Variants in RHOT1 observed in about 807,000 individuals in gnomAD.
RHOT1 encodes the protein ras homolog family member T1.
RHOT1 carries 27 observed loss-of-function variants against 95.3 expected under a neutral mutation model. The ratio of observed to expected loss-of-function variants is 0.28; its 90% CI spans 0.21 to 0.39. The LOEUF (loss-of-function observed/expected upper bound fraction) is 0.39, where lower values mean the gene tolerates loss of function less well. RHOT1 is among the 10% of genes least tolerant of loss of function. The pLI is 1.00. For synonymous variants in RHOT1, 227 were observed against 263.5 expected (o/e 0.86, Z 1.34); for missense variants, 578 against 786.7 (o/e 0.73, Z 3.17).
intron 1 of RHOT1, among the ~76,000 whole-genome samples, chr17:32,166,284 C>A (rs1289099875): frequency 6.6e-6 from 1 of 151,450 alleles, no homozygotes; most frequent in African/African-American, 2.4e-5. Flanking sequence ...TTTAAAAATA[C>A]TTTATTGTCA....
intron 19 of RHOT1, chr17:32,222,915 A>G (rs530180164): frequency 4.1e-6 from 4 of 982,636 alleles, no homozygotes; most frequent in East Asian, 1.1e-4. Context: ...AACATTTCCA[A>G]TGGGTTGGCC....
At chr17:32,175,814 G>A (rs909983105) in intron 4 of RHOT1, 148 bp from the exon 5 acceptor site, 1 of 527,908 alleles carries the variant, frequency 1.9e-6, no homozygotes, top group African/African-American at 2.0e-5. Flanking sequence ...TTTTCTCTTA[G>A]AGGCAAGCTA....
chr17:32,155,316 C>A (rs1395292908), intron 1 of RHOT1, among the ~76,000 whole-genome samples: 3 of 151,696 alleles, frequency 2.0e-5, no homozygotes, highest in African/African-American at 7.3e-5. Flanking sequence ...CCCACCACCA[C>A]GCCTGGCTAA....
At position 32,206,881 on chromosome 17, in the gene RHOT1, T is replaced by C. The variant is rs202150165; in HGVS notation, c.1417-29T>C. 1.5e-4 allele frequency: 215 copies of C among 1,450,350 alleles called. 1 individual carries two copies. In the East Asian group the frequency reaches 3.4e-3, roughly 23 times the overall value. 89.8% of individuals were successfully genotyped at this position (1,450,350 alleles called of 1,614,324 possible). ...TAATATATCAATATTATGATACTTA[T>C]ATTTTTCATTATCTTTTTCTTTTAC... On this transcript the variant is annotated intron_variant, in intron 16 of 19. Coordinates refer to ENST00000545287, the MANE Select transcript of RHOT1 (RefSeq NM_001033566.3).
At chr17:32,178,394 G>T (rs2035213843) in intron 6 of RHOT1, among the ~76,000 whole-genome samples, 1 of 152,106 alleles carries the variant, frequency 6.6e-6, no homozygotes, top group African/African-American at 2.4e-5. Context: ...CTTTCGCCGT[G>T]TTGACCGGGC....
intron 6 of RHOT1, among the ~76,000 whole-genome samples, chr17:32,182,251 C>G (rs964866882): frequency 6.6e-6 from 1 of 151,828 alleles, no homozygotes; most frequent in Admixed American, 6.6e-5. Flanking sequence ...CCTATCATCC[C>G]AACACTTTGG....
chr17:32,220,132 C>T (rs773342237), intron 19 of RHOT1, among the ~76,000 whole-genome samples: 3 of 152,162 alleles, frequency 2.0e-5, no homozygotes, highest in Non-Finnish European at 4.4e-5. Context: ...GTAATCCCAG[C>T]TCTTTGGGAG....
In RHOT1 at chr17:32,163,823, G is replaced by A. The variant is rs190191662; in HGVS notation, c.38-7220G>A. Among the ~76,000 whole-genome samples the A allele has an allele frequency of 3.9e-5, 6 of 152,164 alleles. No homozygotes were observed. In the East Asian group the frequency reaches 1.2e-3, roughly 30 times the overall value. ...TACAATGTAATGTAAAAGTAGAGAG[G>A]ACCTAGTGGCCATGATCAGTGGTAT... On this transcript the variant is annotated intron_variant, in intron 1 of 19. Transcript: ENST00000545287.
At chr17:32,199,101 C>G (rs2037123152) in intron 12 of RHOT1, 70 bp downstream of exon 12, 3 of 1,203,548 alleles carry the variant, frequency 2.5e-6, no homozygotes, top group Non-Finnish European at 2.4e-6. Context: ...TAACTCTGTT[C>G]CCTGAGCTAT....
At chr17:32,202,735 T>C (rs1396491694) in intron 14 of RHOT1, 35 bp from the exon 15 acceptor site, 1 of 1,485,220 alleles carries the variant, frequency 6.7e-7, no homozygotes, top group Admixed American at 2.2e-5. Context: ...AAGTGGTACA[T>C]ATTTAGTGGG....
At chr17:32,174,757 A>T (rs1233318871) in intron 3 of RHOT1, among the ~76,000 whole-genome samples, 1 of 152,124 alleles carries the variant, frequency 6.6e-6, no homozygotes, top group African/African-American at 2.4e-5. Flanking sequence ...TTTCTATCCT[A>T]GCTATATCAT....
intron 19 of RHOT1, among the ~76,000 whole-genome samples, chr17:32,222,266 C>T (rs1458531901): frequency 3.3e-5 from 5 of 152,210 alleles, no homozygotes; most frequent in Admixed American, 6.5e-5. Context: ...AGGTCCATGG[C>T]GGTCTGTGAG....
intron 1 of RHOT1, chr17:32,150,790 G>A (rs1191975247): frequency 6.4e-7 from 1 of 1,566,712 alleles, no homozygotes; most frequent in Admixed American, 1.8e-5. Context: ...GGGACTCTCA[G>A]TGAAGGTAGA....
At chr17:32,167,555 C>T (rs377008517) in intron 1 of RHOT1, among the ~76,000 whole-genome samples, 1 of 152,086 alleles carries the variant, frequency 6.6e-6, no homozygotes, top group Non-Finnish European at 1.5e-5. Flanking sequence ...CCACCATGCC[C>T]GGCCAGATTG....
intron 8 of RHOT1, among the ~76,000 whole-genome samples, chr17:32,189,796 G>A (rs866545970): frequency 2.2e-5 from 3 of 138,854 alleles, no homozygotes; most frequent in Non-Finnish European, 3.0e-5. Flanking sequence ...GCAATGGCAC[G>A]ATCTCAGCTC....
At chr17:32,203,793 T>A in intron 15 of RHOT1, 97 bp from the exon 16 acceptor site, 1 of 836,774 alleles carries the variant, frequency 1.2e-6, no homozygotes, top group Non-Finnish European at 2.0e-6. Context: ...AAGAATGCCC[T>A]TTTATTTATA....
Position 32,202,906 on chromosome 17 carries a change from A to C in RHOT1, c.1332+6A>C, listed in dbSNP as rs755930568. 1.2e-6 allele frequency: 2 copies of C among 1,605,688 alleles called. No individual in the cohort carries two copies. The highest frequency in any genetic ancestry group is 2.2e-5 in the South Asian group (2 of 88,984). ...TTCTTGGAAGAAACTTAATGGTGAGAGTTCTCGTAAAATACAATTTTATCC... is the reference window on the plus strand; with the variant it reads ...TTCTTGGAAGAAACTTAATGGTGAGCGTTCTCGTAAAATACAATTTTATCC... On this transcript the variant is annotated splice_donor_region_variant and intron_variant, in intron 15 of 19. Transcript: ENST00000545287.
intron 19 of RHOT1, among the ~76,000 whole-genome samples, chr17:32,215,532 A>C (rs1248591736): frequency 6.6e-6 from 1 of 151,026 alleles, no homozygotes; most frequent in Non-Finnish European, 1.5e-5. Flanking sequence ...TTCTCTAAGA[A>C]AAACATTTTT....
intron 1 of RHOT1, among the ~76,000 whole-genome samples, chr17:32,148,958 G>A (rs899466500): frequency 6.6e-6 from 1 of 152,182 alleles, no homozygotes; most frequent in Non-Finnish European, 1.5e-5. Flanking sequence ...GATGAATTAT[G>A]TTTTCCATGG....
Sources: gnomAD v4.1 joint callset for allele counts (sites outside exome capture counted in the v4.1 genomes callset) on GRCh38, gnomAD v4.1.1 for gene constraint, MANE v1.5 for transcripts, NCBI Gene and HGNC (gene_info 2026-07-23, HGNC 2026-07-21) for gene names.